Variants in PPDPFL observed in about 807,000 individuals in gnomAD.
PPDPFL encodes the protein pancreatic progenitor cell differentiation and proliferation factor like.
A neutral mutation model predicts 12.6 loss-of-function variants in PPDPFL; 12 were observed. The ratio of observed to expected loss-of-function variants is 0.95; its 90% CI spans 0.61 to 1.54. PPDPFL has a LOEUF of 1.54. Among genes scored for constraint, PPDPFL ranks in the 40% most tolerant of loss-of-function variants. PPDPFL has a pLI of 0.00. For missense variants in PPDPFL, 114 were observed against 96.0 expected, an observed-to-expected ratio of 1.19 and a Z score of -0.78; for synonymous variants, 24 against 32.7, an observed-to-expected ratio of 0.73 and a Z score of 0.91.
intron 1 of PPDPFL, among the ~76,000 whole-genome samples, chr8:49,057,521 AG>A (rs1256673364): frequency 6.6e-6 from 1 of 152,166 alleles, no homozygotes; most frequent in East Asian, 1.9e-4. Flanking sequence ...GATAGCATAA[AG>A]CACTGCAAAA....
intron 1 of PPDPFL, among the ~76,000 whole-genome samples, chr8:49,057,506 G>T (rs1208893800): frequency 6.6e-6 from 1 of 152,210 alleles, no homozygotes; most frequent in South Asian, 2.1e-4. Flanking sequence ...GCCTCTGTAT[G>T]CATTGATAGC....
At chr8:49,063,563 T>C (rs1808246944) in intron 1 of PPDPFL, among the ~76,000 whole-genome samples, 1 of 151,718 alleles carries the variant, frequency 6.6e-6, no homozygotes, top group Non-Finnish European at 1.5e-5. Context: ...CTACAAAAAA[T>C]ACAAAAATTA....
intron 1 of PPDPFL, among the ~76,000 whole-genome samples, chr8:49,063,932 G>A (rs911184839): frequency 5.9e-5 from 9 of 152,156 alleles, no homozygotes; most frequent in Non-Finnish European, 8.8e-5. Context: ...CAGTGAAGAT[G>A]TGTGACATGT....
intron 4 of PPDPFL, 82 bp from the exon 5 acceptor site, chr8:49,075,070 A>T: frequency 5.2e-6 from 8 of 1,552,036 alleles, no homozygotes; most frequent in Non-Finnish European, 7.0e-6. Flanking sequence ...GACACTCTTT[A>T]TCAAGTTTAT....
At chr8:49,063,233 C>A (rs1174684760) in intron 1 of PPDPFL, among the ~76,000 whole-genome samples, 1 of 152,170 alleles carries the variant, frequency 6.6e-6, no homozygotes, top group Non-Finnish European at 1.5e-5. Context: ...CACATGGGCA[C>A]AATCCATGGC....
At chr8:49,073,980 C>A in intron 2 of PPDPFL, 79 bp from the exon 3 acceptor site, 1 of 904,998 alleles carries the variant, frequency 1.1e-6, no homozygotes, top group Non-Finnish European at 1.8e-6. Context: ...TGCTACTTGA[C>A]AGTTTGTATA....
chr8:49,059,864 G>A lies in PPDPFL; in HGVS notation c.-45+5495G>A, dbSNP rs537789480. ...AACAGCTTGAGAAAATTTAGCCAAG[G>A]TAATGTTTTATTTTGTTGTCTTTTT... On this transcript the variant is annotated intron_variant, in intron 1 of 4. Transcript: ENST00000517663. Among the ~76,000 whole-genome samples, 412 of 152,218 alleles carry A rather than the reference G, an allele frequency of 2.7e-3. 3 individuals are homozygous for A. Among genetic ancestry groups the A allele is most frequent in the African/African-American group, 9.7e-3 (403 of 41,540 alleles).
intron 1 of PPDPFL, among the ~76,000 whole-genome samples, chr8:49,064,862 G>T (rs145163465): frequency 2.9e-4 from 44 of 152,190 alleles, no homozygotes; most frequent in African/African-American, 8.9e-4. Flanking sequence ...TTTAAATTTC[G>T]ATCTGACATG....
chr8:49,071,610 C>G (rs1013645095), upstream of PPDPFL, among the ~76,000 whole-genome samples: 1 of 151,794 alleles, frequency 6.6e-6, no homozygotes, highest in Non-Finnish European at 1.5e-5. Context: ...GAGCCCAAAT[C>G]GCGCCACTGC....
At chr8:49,074,755 T>A in intron 4 of PPDPFL, 2 of 1,439,762 alleles carry the variant, frequency 1.4e-6, no homozygotes, top group Non-Finnish European at 1.8e-6. Context: ...ACTAGACAGG[T>A]TGAATTGGGA....
chr8:49,070,333 A>G (rs189156192), upstream of PPDPFL, among the ~76,000 whole-genome samples: 388 of 152,272 alleles, frequency 2.5e-3, 3 homozygotes, highest in African/African-American at 9.1e-3. Context: ...CTGTACAGCA[A>G]ATGCCACAAC....
At chr8:49,059,174 A>G (rs1289779881) in intron 1 of PPDPFL, among the ~76,000 whole-genome samples, 7 of 152,136 alleles carry the variant, frequency 4.6e-5, no homozygotes, top group African/African-American at 1.7e-4. Context: ...TGTAATGTTA[A>G]ATGCTATCCT....
In PPDPFL at chr8:49,065,536, C is replaced by T. The variant is rs187442619; in HGVS notation, c.-44-7251C>T. Among the ~76,000 whole-genome samples, 233 of 152,316 alleles carry T rather than the reference C, an allele frequency of 1.5e-3. 1 individual carries two copies. The highest frequency in any genetic ancestry group is 5.3e-3 in the African/African-American group (219 of 41,576). On this transcript the variant is annotated intron_variant, in intron 1 of 4. Coordinates refer to the PPDPFL transcript ENST00000517663. The stretch of plus-strand genomic sequence containing the variant: ...GTTTTCATATTTGCATGATGGGCAA[C>T]TGACTCATTATTCCATCCAATAGTA...
chr8:49,062,756 A>T (rs1410782973), intron 1 of PPDPFL, among the ~76,000 whole-genome samples: 1 of 152,214 alleles, frequency 6.6e-6, no homozygotes, highest in Non-Finnish European at 1.5e-5. Context: ...TGGTGTTCCC[A>T]GGGCCAAGAC....
At chr8:49,067,163 G>A (rs544369686) in intron 1 of PPDPFL, among the ~76,000 whole-genome samples, 13 of 152,244 alleles carry the variant, frequency 8.5e-5, no homozygotes, top group South Asian at 6.2e-4. Context: ...TTCAAATAAA[G>A]TTTGATATTA....
Position 49,064,724 on chromosome 8 carries a change from C to T in PPDPFL, c.-44-8063C>T, listed in dbSNP as rs1440995906. On this transcript the variant is annotated intron_variant, in intron 1 of 4. Transcript: ENST00000517663. ...GGAACAGAGCCTGAGTTCCTACAGT[C>T]AGATAATCAGATGCACTCTGCATTT... is the stretch of plus-strand genomic sequence containing the variant. 5.3e-5 allele frequency among the ~76,000 whole-genome samples: 8 copies of T among 152,150 alleles called. No homozygotes were observed. In the South Asian group the frequency reaches 8.3e-4, roughly 16 times the overall value.
chr8:49,063,186 C>T (rs927081243), intron 1 of PPDPFL, among the ~76,000 whole-genome samples: 6 of 152,154 alleles, frequency 3.9e-5, no homozygotes, highest in African/African-American at 7.2e-5. Flanking sequence ...ATCCACTGGT[C>T]GTAATGGCCA....
At chr8:49,057,148 A>T (rs1418640007) in intron 1 of PPDPFL, among the ~76,000 whole-genome samples, 2 of 152,348 alleles carry the variant, frequency 1.3e-5, no homozygotes, top group East Asian at 3.9e-4. Context: ...GACAGGCTAA[A>T]AAAGCCTTGC....
upstream of PPDPFL, among the ~76,000 whole-genome samples, chr8:49,072,063 C>T (rs955636946): frequency 1.3e-5 from 2 of 152,234 alleles, no homozygotes; most frequent in African/African-American, 2.4e-5. Flanking sequence ...TGAGGAGACA[C>T]TTGTGTATCG....
Sources: allele counts gnomAD v4.1 joint callset (sites outside exome capture counted in the v4.1 genomes callset), GRCh38; gene constraint gnomAD v4.1.1; transcripts MANE v1.5; gene names NCBI Gene and HGNC (gene_info 2026-07-23, HGNC 2026-07-21).